The following RBFOX1 variants were observed in gnomAD, a reference collection of about 807,000 sequenced individuals.
RBFOX1 encodes the protein RNA binding fox-1 homolog 1.
A neutral mutation model predicts 57.7 loss-of-function variants in RBFOX1; 8 were observed. The observed-to-expected ratio is 0.14, with a 90% CI of 0.08 to 0.25. RBFOX1 has a LOEUF of 0.25. Among genes scored for constraint, RBFOX1 ranks in the 10% least tolerant of loss-of-function variants. RBFOX1 has a pLI of 1.00. For synonymous variants in RBFOX1, 326 were observed against 222.4 expected (o/e 1.47, Z -4.15); for missense variants, 611 against 548.5 (o/e 1.11, Z -1.14).
At chr16:6,520,799 C>T (rs2096483902) in intron 2 of RBFOX1, among the ~76,000 whole-genome samples, 1 of 152,040 alleles carries the variant, frequency 6.6e-6, no homozygotes, top group Non-Finnish European at 1.5e-5. Flanking sequence ...CTTAATTAAC[C>T]CCACAAAGCA....
chr16:5,809,024 C>G (rs1007429105), intron 3 of RBFOX1, among the ~76,000 whole-genome samples: 54 of 152,278 alleles, frequency 3.5e-4, no homozygotes, highest in Non-Finnish European at 1.2e-4. Flanking sequence ...CGCTGCGTAT[C>G]TACAACTATC....
intron 3 of RBFOX1, among the ~76,000 whole-genome samples, chr16:6,775,432 T>C (rs1175021673): frequency 6.6e-6 from 1 of 150,696 alleles, no homozygotes; most frequent in Non-Finnish European, 1.5e-5. Flanking sequence ...GAAGAAAGGA[T>C]TTTAACATCT....
intron 3 of RBFOX1, among the ~76,000 whole-genome samples, chr16:6,915,217 C>A (rs545826828): frequency 6.6e-6 from 1 of 152,162 alleles, no homozygotes; most frequent in Non-Finnish European, 1.5e-5. Flanking sequence ...CCCTTGTTCT[C>A]CTAGCAGCTG....
chr16:5,422,280 T>G (rs1397531051), intron 1 of RBFOX1, among the ~76,000 whole-genome samples: 18 of 79,348 alleles, frequency 2.3e-4, no homozygotes, highest in Admixed American at 3.8e-4. Context: ...AGAGGGAGAT[T>G]AGAGGAGAAG....
intron 4 of RBFOX1, among the ~76,000 whole-genome samples, chr16:5,980,846 C>CGGGCAAT (rs2060157519): frequency 8.4e-6 from 1 of 119,574 alleles, no homozygotes. Context: ...GACACTTTGT[C>CGGGCAAT]GGGCAACGCT....
chr16:7,568,870 G>C (rs1353491642), intron 5 of RBFOX1, among the ~76,000 whole-genome samples: 4 of 106,726 alleles, frequency 3.7e-5, no homozygotes, highest in Non-Finnish European at 7.0e-5. Context: ...CTGGGTGATA[G>C]AGACTCTGTC....
At chr16:5,895,322 A>T (rs1448079524) in intron 4 of RBFOX1, among the ~76,000 whole-genome samples, 1 of 152,170 alleles carries the variant, frequency 6.6e-6, no homozygotes, top group African/African-American at 2.4e-5. Flanking sequence ...ATCCCAGGAA[A>T]TGGATGACTC....
chr16:6,067,453 C>A (rs1428979724), intron 1 of RBFOX1, among the ~76,000 whole-genome samples: 1 of 152,186 alleles, frequency 6.6e-6, no homozygotes, highest in African/African-American at 2.4e-5. Context: ...TTCAAAGTTT[C>A]ATTGAAAATA....
At chr16:7,654,047 C>A in intron 12 of RBFOX1, 100 bp downstream of exon 12, 2 of 1,278,000 alleles carry the variant, frequency 1.6e-6, no homozygotes, top group South Asian at 3.1e-5. Flanking sequence ...GACTCCCCCT[C>A]CGCCACCCCC....
intron 2 of RBFOX1, among the ~76,000 whole-genome samples, chr16:6,606,402 C>T (rs1377304112): frequency 4.6e-5 from 7 of 152,126 alleles, no homozygotes; most frequent in Admixed American, 4.6e-4. Context: ...ATGTCCAGGA[C>T]GTGCAGATTT....
At chr16:6,424,605 C>G (rs2093869787) in intron 2 of RBFOX1, among the ~76,000 whole-genome samples, 1 of 14,270 alleles carries the variant, frequency 7.0e-5, no homozygotes, top group Admixed American at 8.6e-4. Context: ...CTTAAGAGCA[C>G]TGTGTGTGTG....
intron 5 of RBFOX1, among the ~76,000 whole-genome samples, chr16:7,576,223 C>A (rs2093328321): frequency 6.6e-6 from 1 of 152,054 alleles, no homozygotes; most frequent in South Asian, 2.1e-4. Context: ...TGCACCTAGC[C>A]CCATTACCCC....
intron 1 of RBFOX1, among the ~76,000 whole-genome samples, chr16:6,271,319 G>A (rs1408747524): frequency 6.6e-6 from 1 of 152,148 alleles, no homozygotes; most frequent in Non-Finnish European, 1.5e-5. Context: ...AGCTACTGGG[G>A]AGGTTGAGAC....
intron 4 of RBFOX1, among the ~76,000 whole-genome samples, chr16:7,183,404 G>T (rs1291077735): frequency 2.0e-5 from 3 of 152,210 alleles, no homozygotes; most frequent in African/African-American, 4.8e-5. Context: ...CTTGAGGCCA[G>T]TGGGCACCAT....
chr16:5,837,140 A>T lies in RBFOX1; in HGVS notation c.319-30163A>T, dbSNP rs569244971. On this transcript the variant is annotated intron_variant, in intron 3 of 19. Transcript: ENST00000641259. Reference sequence around the variant, plus strand: ...CCCTCAGTCTCTCCTGCTTCGCTCAAATCCCCCTGGAATCCTGCCACTTTC... The same window carrying T: ...CCCTCAGTCTCTCCTGCTTCGCTCATATCCCCCTGGAATCCTGCCACTTTC... Among the ~76,000 whole-genome samples the T allele has an allele frequency of 2.6e-5, 4 of 151,762 alleles. No homozygotes were observed. In the South Asian group the frequency reaches 8.4e-4, roughly 32 times the overall value.
intron 4 of RBFOX1, among the ~76,000 whole-genome samples, chr16:5,924,714 C>T (rs905975283): frequency 1.3e-5 from 2 of 152,170 alleles, no homozygotes; most frequent in Non-Finnish European, 2.9e-5. Context: ...TCTTTTATAG[C>T]AACACAAGTG....
intron 3 of RBFOX1, among the ~76,000 whole-genome samples, chr16:6,820,886 C>T (rs975580410): frequency 6.6e-6 from 1 of 152,122 alleles, no homozygotes; most frequent in Non-Finnish European, 1.5e-5. Flanking sequence ...GTTTTTCATC[C>T]TTTGTCATCC....
At chr16:7,170,672 G>A (rs1459160336) in intron 4 of RBFOX1, among the ~76,000 whole-genome samples, 2 of 152,156 alleles carry the variant, frequency 1.3e-5, no homozygotes, top group South Asian at 2.1e-4. Flanking sequence ...ATAATTCAGA[G>A]TTGTTTTGTT....
chr16:6,938,597 T>C (rs549047063), intron 3 of RBFOX1, among the ~76,000 whole-genome samples: 2 of 152,178 alleles, frequency 1.3e-5, no homozygotes, highest in South Asian at 2.1e-4. Context: ...CCTCTGGCTA[T>C]GTGTGGTGGA....
Sources: allele counts gnomAD v4.1 joint callset (sites outside exome capture counted in the v4.1 genomes callset), GRCh38; gene constraint gnomAD v4.1.1; transcripts MANE v1.5; gene names NCBI Gene and HGNC (gene_info 2026-07-23, HGNC 2026-07-21).